The following MMP16 variants were observed in gnomAD, a reference collection of about 807,000 sequenced individuals.
MMP16 encodes the protein matrix metalloproteinase-16.
Under a neutral mutation model 67.8 loss-of-function variants are expected in MMP16, and 12 were observed. That is an observed-to-expected ratio of 0.18 (90% CI 0.11 to 0.29). The LOEUF (loss-of-function observed/expected upper bound fraction) is 0.29. MMP16 is among the 10% of genes least tolerant of loss of function. The probability of loss-of-function intolerance (pLI) is 1.00; values close to 1 mark genes in which losing one functional copy is unlikely to be tolerated. For missense variants in MMP16, 475 were observed against 765.7 expected, an observed-to-expected ratio of 0.62 and a Z score of 4.48; for synonymous variants, 249 against 255.9, an observed-to-expected ratio of 0.97 and a Z score of 0.26.
intron 1 of MMP16, among the ~76,000 whole-genome samples, chr8:88,249,489 G>T (rs538363324): frequency 6.6e-6 from 1 of 152,064 alleles, no homozygotes; most frequent in Non-Finnish European, 1.5e-5. Context: ...TAAGGGAATA[G>T]ATGCATCTCC....
At chr8:88,100,264 T>A (rs1438095760) in intron 6 of MMP16, among the ~76,000 whole-genome samples, 1 of 151,772 alleles carries the variant, frequency 6.6e-6, no homozygotes, top group Non-Finnish European at 1.5e-5. Flanking sequence ...TACAAAGAAC[T>A]CACACAAATT....
At position 88,109,863 on chromosome 8, in the gene MMP16, T is replaced by C. The variant is rs1809304337; in HGVS notation, c.1083+6644A>G. On this transcript the variant is annotated intron_variant, in intron 6 of 9. Coordinates refer to ENST00000286614, the MANE Select transcript of MMP16 (RefSeq NM_005941.5). ...AGACTTGGATAATATTGCTATGGAG[T>C]AAAAGGGTTTTTAAATTGAACCACA... Among the ~76,000 whole-genome samples, 3 of 151,010 alleles carry C rather than the reference T, an allele frequency of 2.0e-5. No homozygotes were observed. In the South Asian group the frequency reaches 6.2e-4, roughly 31 times the overall value.
At chr8:88,264,207 T>C (rs796646678) in intron 1 of MMP16, among the ~76,000 whole-genome samples, 6 of 151,788 alleles carry the variant, frequency 4.0e-5, no homozygotes, top group African/African-American at 1.5e-4. Context: ...CACACACACA[T>C]ACATTTCTAG....
chr8:88,048,433 T>TG (rs35109274), intron 8 of MMP16, among the ~76,000 whole-genome samples: 38,780 of 152,018 alleles, frequency 0.26, 5,993 homozygotes, highest in East Asian at 0.41. Flanking sequence ...ATATTTTGAA[T>TG]GGTCACAAAG....
At position 88,041,503 on chromosome 8, in the gene MMP16, G is replaced by A. The variant is rs1181654490; in HGVS notation, c.1782C>T (p.Arg594=). Residue 594 remains arginine (R), a synonymous_variant, in exon 10 of 10, where the codon CGC becomes CGT. Coordinates refer to ENST00000286614, the MANE Select transcript of MMP16 (RefSeq NM_005941.5). This position sits in a 1 kb window ranked among gnomAD's most constrained non-coding sequence, Gnocchi z 6.0. Reference sequence around the variant, plus strand: ...TAGAGCGTTTACAGTACAGTATGTGGCGGGGTGTTCCTTTCCTCTTGAACT... The same window carrying A: ...TAGAGCGTTTACAGTACAGTATGTGACGGGGTGTTCCTTTCCTCTTGAACT... ...VFQFKRKGTP[R]HILYCKRSMQ... is the part of the protein sequence containing the mutation. The A allele has an allele frequency of 4.4e-6, 7 of 1,608,414 alleles. No individual in the cohort carries two copies. The highest frequency in any genetic ancestry group is 5.9e-6 in the Non-Finnish European group (7 of 1,177,552).
Position 88,137,307 on chromosome 8 carries a change from T to TC in MMP16, c.710-18447dup, listed in dbSNP as rs553610669. Among the ~76,000 whole-genome samples, 149 of 151,720 alleles carry TC rather than the reference T, an allele frequency of 9.8e-4. 2 individuals are homozygous for TC. The highest frequency in any genetic ancestry group is 3.4e-3 in the African/African-American group (139 of 41,416). On this transcript the variant is annotated intron_variant, in intron 4 of 9. Coordinates refer to ENST00000286614, the MANE Select transcript of MMP16 (RefSeq NM_005941.5). ...CTTGCCCTATTTTAGAGGCAACTCC[T>TC]CCCCCCCAAAACCCAAACACTTCTG...
At chr8:88,175,848 A>C (rs1054703464) in intron 3 of MMP16, among the ~76,000 whole-genome samples, 1 of 152,130 alleles carries the variant, frequency 6.6e-6, no homozygotes, top group Admixed American at 6.5e-5. Flanking sequence ...AATATGTCTC[A>C]CGAGATCAGA....
chr8:88,169,522 C>T (rs1435666500), intron 3 of MMP16, among the ~76,000 whole-genome samples: 7 of 152,074 alleles, frequency 4.6e-5, no homozygotes, highest in Admixed American at 1.3e-4. Context: ...AACTCTTTTG[C>T]CTTAAATTCT....
intron 4 of MMP16, among the ~76,000 whole-genome samples, chr8:88,126,627 T>G (rs1807935905): frequency 6.6e-6 from 1 of 151,874 alleles, no homozygotes; most frequent in Non-Finnish European, 1.5e-5. Flanking sequence ...CTAACATGAT[T>G]GTGGTAATCA....
At chr8:88,233,821 T>C (rs1280099866) in intron 1 of MMP16, among the ~76,000 whole-genome samples, 1 of 152,220 alleles carries the variant, frequency 6.6e-6, no homozygotes, top group Non-Finnish European at 1.5e-5. Flanking sequence ...GCAAAGTTTG[T>C]TCACATTTGA....
In MMP16 at chr8:88,066,230, G is replaced by A. The variant is rs549930907; in HGVS notation, c.1222+8375C>T. ...GCTCAATTTTTAAGACAGCTTTTTT[G>A]ATACTATTATCTCATAACCATTCAG... On this transcript the variant is annotated intron_variant, in intron 7 of 9. Transcript: ENST00000286614. Among the ~76,000 whole-genome samples, 3 of 152,068 alleles carry A rather than the reference G, an allele frequency of 2.0e-5. No homozygotes were observed. The East Asian group carries it at 5.8e-4, about 29-fold the overall frequency.
At chr8:88,048,016 G>A (rs998984907) in intron 8 of MMP16, among the ~76,000 whole-genome samples, 1 of 152,168 alleles carries the variant, frequency 6.6e-6, no homozygotes, top group Non-Finnish European at 1.5e-5. Flanking sequence ...GAAAGAGAAG[G>A]AAGCTGAGCA....
intron 4 of MMP16, among the ~76,000 whole-genome samples, chr8:88,155,209 C>T (rs761019468): frequency 6.6e-6 from 1 of 151,846 alleles, no homozygotes; most frequent in Non-Finnish European, 1.5e-5. Context: ...ATTTCTAAAA[C>T]AAATATTTAT....
rs556075422 is a variant in MMP16, at chr8:88,161,314, G to A, written c.709+6355C>T. The stretch of plus-strand genomic sequence containing the variant: ...TCCAGGAATTTATCCATTTCTTCTA[G>A]ATTTTCTGGTTTATTTGCGTAGAGG... On this transcript the variant is annotated intron_variant, in intron 4 of 9. Transcript: ENST00000286614. Among the ~76,000 whole-genome samples, 948 of 152,254 alleles carry A rather than the reference G, an allele frequency of 6.2e-3. 14 individuals are homozygous for A. The highest frequency in any genetic ancestry group is 0.022 in the African/African-American group (907 of 41,550).
intron 6 of MMP16, among the ~76,000 whole-genome samples, chr8:88,080,395 G>T (rs942094173): frequency 1.3e-5 from 2 of 152,112 alleles, no homozygotes; most frequent in African/African-American, 4.8e-5. Flanking sequence ...ATACACGTTT[G>T]CTCACAAGCA....
At chr8:88,167,618 T>C (rs1200406134) in intron 4 of MMP16, 51 bp downstream of exon 4, 1 of 1,481,606 alleles carries the variant, frequency 6.7e-7, no homozygotes, top group Admixed American at 2.3e-5. Context: ...CTCTTGGTTA[T>C]TCTGAAATAA....
At chr8:88,228,435 G>A (rs1809804847) in intron 1 of MMP16, among the ~76,000 whole-genome samples, 6 of 151,952 alleles carry the variant, frequency 3.9e-5, no homozygotes, top group Admixed American at 3.3e-4. Flanking sequence ...AAACTCTAAT[G>A]ACAAGGTAAA....
intron 1 of MMP16, among the ~76,000 whole-genome samples, chr8:88,299,035 C>T (rs1331329551): frequency 6.6e-6 from 1 of 151,294 alleles, no homozygotes; most frequent in Non-Finnish European, 1.5e-5. Context: ...CTTTTAAGAT[C>T]ACACAGTGGG....
At chr8:88,295,022 C>T (rs1183587617) in intron 1 of MMP16, among the ~76,000 whole-genome samples, 2 of 152,180 alleles carry the variant, frequency 1.3e-5, no homozygotes, top group African/African-American at 4.8e-5. Context: ...ATGGACCTGA[C>T]ATTTCAATAT....
Sources: allele counts gnomAD v4.1 joint callset (sites outside exome capture counted in the v4.1 genomes callset), GRCh38; gene constraint gnomAD v4.1.1; non-coding constraint Gnocchi (gnomAD v3.1); transcripts MANE v1.5; gene names NCBI Gene and HGNC (gene_info 2026-07-23, HGNC 2026-07-21).